Variants in LUZP2 observed in about 807,000 individuals in gnomAD.
LUZP2 encodes leucine zipper protein 2.
In LUZP2, 52 loss-of-function variants were observed where a neutral mutation model predicts 51.6. The observed-to-expected ratio is 1.01, with a 90% CI of 0.81 to 1.27. The LOEUF (loss-of-function observed/expected upper bound fraction) is 1.27. LUZP2 is among the 50% of genes most tolerant of loss of function. The probability of loss-of-function intolerance (pLI) is 0.00; values close to 1 mark genes in which losing one functional copy is unlikely to be tolerated. For synonymous variants in LUZP2, 154 were observed against 137.3 expected (o/e 1.12, Z -0.85); for missense variants, 436 against 395.4 (o/e 1.10, Z -0.87).
chr11:24,982,103 A>G (rs1321243586), intron 8 of LUZP2, among the ~76,000 whole-genome samples: 1 of 151,894 alleles, frequency 6.6e-6, no homozygotes, highest in African/African-American at 2.4e-5. Flanking sequence ...TAAAAAGTTA[A>G]AAAATAACAG....
At chr11:24,894,968 G>C (rs1431658069) in intron 5 of LUZP2, among the ~76,000 whole-genome samples, 2 of 152,136 alleles carry the variant, frequency 1.3e-5, no homozygotes, top group Non-Finnish European at 2.9e-5. Context: ...GCTAGTTCAA[G>C]TCAAGTTCCT....
intron 7 of LUZP2, among the ~76,000 whole-genome samples, chr11:24,939,550 A>C (rs1854686025): frequency 6.6e-6 from 1 of 152,128 alleles, no homozygotes; most frequent in South Asian, 2.1e-4. Context: ...ATTCATAGGA[A>C]GGAAGGAAGA....
chr11:24,836,144 T>C (rs1850853960), intron 5 of LUZP2, among the ~76,000 whole-genome samples: 1 of 151,924 alleles, frequency 6.6e-6, no homozygotes, highest in African/African-American at 2.4e-5. Flanking sequence ...CTGAATTTTC[T>C]CATTAGCACA....
intron 4 of LUZP2, among the ~76,000 whole-genome samples, chr11:24,754,906 G>A (rs949448928): frequency 3.3e-5 from 5 of 152,138 alleles, no homozygotes; most frequent in Admixed American, 6.5e-5. Context: ...AGCATTTTGC[G>A]GGGGCGAGGT....
rs869045272 is a variant in LUZP2, at chr11:24,764,490, T to TAAAAAAAAAAAAAAAAAAAAA, written c.396+1188_396+1208dup. ...GGACAACATGGTAAAATCTCATCTC[T>TAAAAAAAAAAAAAAAAAAAAA]AAAAAAAAAAAAAAAAAAAAAAAAA... On this transcript the variant is annotated intron_variant, in intron 5 of 11. Coordinates refer to ENST00000336930, the MANE Select transcript of LUZP2 (RefSeq NM_001009909.4). Among the ~76,000 whole-genome samples the TAAAAAAAAAAAAAAAAAAAAA allele has an allele frequency of 2.0e-3, 191 of 94,030 alleles. 2 individuals carry two copies. Among genetic ancestry groups the TAAAAAAAAAAAAAAAAAAAAA allele is most frequent in the Middle Eastern group, 6.4e-3 (1 of 156 alleles). 61.7% of individuals were successfully genotyped at this position (94,030 alleles called of 152,430 possible).
chr11:24,838,555 C>G (rs910879403), intron 5 of LUZP2, among the ~76,000 whole-genome samples: 1 of 151,566 alleles, frequency 6.6e-6, no homozygotes, highest in African/African-American at 2.4e-5. Context: ...GGAGTAATAA[C>G]GTAGCATTTG....
intron 1 of LUZP2, among the ~76,000 whole-genome samples, chr11:24,524,528 TC>T (rs998714447): frequency 2.6e-5 from 4 of 151,748 alleles, no homozygotes; most frequent in African/African-American, 9.7e-5. Flanking sequence ...GACAAACCTT[TC>T]CCTGAAGTCT....
At chr11:24,681,249 G>A (rs2133869436) in intron 1 of LUZP2, among the ~76,000 whole-genome samples, 2 of 152,196 alleles carry the variant, frequency 1.3e-5, no homozygotes, top group East Asian at 3.9e-4. Context: ...CCAAAGTGCT[G>A]GGATTACAGG....
At chr11:24,944,760 T>A (rs1480434445) in intron 7 of LUZP2, among the ~76,000 whole-genome samples, 1 of 152,098 alleles carries the variant, frequency 6.6e-6, no homozygotes, top group Non-Finnish European at 1.5e-5. Flanking sequence ...GTTTGATAAA[T>A]AGTGAAAGGA....
chr11:24,997,454 T>G (rs1240992052), intron 9 of LUZP2, among the ~76,000 whole-genome samples: 4 of 152,214 alleles, frequency 2.6e-5, no homozygotes, highest in Non-Finnish European at 5.9e-5. Flanking sequence ...TCGCCCACTT[T>G]TTGATGGGGT....
At chr11:24,518,046 G>A (rs1214132448) in intron 1 of LUZP2, among the ~76,000 whole-genome samples, 1 of 152,108 alleles carries the variant, frequency 6.6e-6, no homozygotes, top group Non-Finnish European at 1.5e-5. Flanking sequence ...AAATGGAAAT[G>A]TAGGAGAAAT....
intron 9 of LUZP2, among the ~76,000 whole-genome samples, chr11:25,021,211 A>G (rs1857322323): frequency 1.3e-5 from 2 of 152,120 alleles, no homozygotes; most frequent in African/African-American, 2.4e-5. Flanking sequence ...CAAAAGGTGA[A>G]GAAAATCTTG....
intron 5 of LUZP2, among the ~76,000 whole-genome samples, chr11:24,803,116 A>G (rs1190277023): frequency 2.0e-5 from 3 of 152,034 alleles, no homozygotes; most frequent in Non-Finnish European, 4.4e-5. Context: ...ATATTTGCAA[A>G]TTATGTTTGA....
At chr11:24,813,023 C>T (rs1482231831) in intron 5 of LUZP2, among the ~76,000 whole-genome samples, 1 of 152,160 alleles carries the variant, frequency 6.6e-6, no homozygotes, top group African/African-American at 2.4e-5. Flanking sequence ...CCTCTTTGCT[C>T]ACCACATTCA....
intron 1 of LUZP2, among the ~76,000 whole-genome samples, chr11:24,517,201 A>G (rs1850492163): frequency 1.3e-5 from 2 of 152,156 alleles, no homozygotes; most frequent in East Asian, 1.9e-4. Flanking sequence ...TATTGTAGGT[A>G]CAGGCCGGGC....
Position 24,671,855 on chromosome 11 carries a change from C to T in LUZP2, c.63-57314C>T, listed in dbSNP as rs977247619. Among the ~76,000 whole-genome samples, 15 of 152,052 alleles carry T rather than the reference C, an allele frequency of 9.9e-5. No individual in the cohort carries two copies. The South Asian group carries it at 1.0e-3, about 11-fold the overall frequency. ...ATGTAATCAATAGGCTAAATGAGTA[C>T]GGGATAAATATTTTAATTTAGTTTT... On this transcript the variant is annotated intron_variant, in intron 1 of 11. Transcript: ENST00000336930.
intron 1 of LUZP2, among the ~76,000 whole-genome samples, chr11:24,569,696 C>CATAA (rs1554956643): frequency 2.0e-5 from 3 of 151,858 alleles, no homozygotes; most frequent in Non-Finnish European, 2.9e-5. Context: ...CATTCTATAT[C>CATAA]CTATTAATTG....
At chr11:24,730,993 C>T (rs575704134) in intron 2 of LUZP2, among the ~76,000 whole-genome samples, 13 of 151,772 alleles carry the variant, frequency 8.6e-5, no homozygotes, top group African/African-American at 2.9e-4. Flanking sequence ...ATTTTTTTTA[C>T]ATTTTAATTC....
At chr11:25,052,162 A>G (rs1858536355) in intron 10 of LUZP2, among the ~76,000 whole-genome samples, 1 of 152,194 alleles carries the variant, frequency 6.6e-6, no homozygotes, top group African/African-American at 2.4e-5. Context: ...TAGTACATAG[A>G]GTGCTCAGTA....
Sources: allele counts gnomAD v4.1 joint callset (sites outside exome capture counted in the v4.1 genomes callset), GRCh38; gene constraint gnomAD v4.1.1; transcripts MANE v1.5; gene names NCBI Gene and HGNC (gene_info 2026-07-23, HGNC 2026-07-21).